Variants in CTNNA2 observed in about 807,000 individuals in gnomAD.
CTNNA2 encodes catenin alpha 2.
Under a neutral mutation model 101.0 loss-of-function variants are expected in CTNNA2, and 42 were observed. The observed-to-expected ratio is 0.42, with a 90% CI of 0.32 to 0.54. The LOEUF (loss-of-function observed/expected upper bound fraction) is 0.54, where lower values mean the gene tolerates loss of function less well. Among genes scored for constraint, CTNNA2 ranks in the 20% least tolerant of loss-of-function variants. CTNNA2 has a pLI of 0.14. For synonymous variants in CTNNA2, 450 were observed against 456.4 expected (o/e 0.99, Z 0.18); for missense variants, 871 against 1,223.1 (o/e 0.71, Z 4.29).
At chr2:80,299,192 G>A (rs1676029264) in intron 7 of CTNNA2, 2 of 152,010 alleles carry the variant, frequency 1.3e-5, no homozygotes, top group Non-Finnish European at 1.5e-5. Flanking sequence ...ATAAAAAAAA[G>A]GTGCTACACC....
At chr2:80,180,747 A>T (rs535878466) in intron 7 of CTNNA2, among the ~76,000 whole-genome samples, 2 of 151,880 alleles carry the variant, frequency 1.3e-5, no homozygotes, top group South Asian at 2.1e-4. Flanking sequence ...GTCTAAATTG[A>T]CTCGTCTATC....
intron 7 of CTNNA2, among the ~76,000 whole-genome samples, chr2:80,086,446 C>G (rs778079870): frequency 2.0e-4 from 30 of 151,858 alleles, no homozygotes; most frequent in Non-Finnish European, 4.1e-4. Context: ...TTATAAGACC[C>G]AATTAATTTG....
At chr2:80,375,786 A>G (rs2149340901) in intron 7 of CTNNA2, among the ~76,000 whole-genome samples, 1 of 151,706 alleles carries the variant, frequency 6.6e-6, no homozygotes, top group African/African-American at 2.4e-5. Context: ...GATGGTCTCG[A>G]TCTCCTGACC....
intron 7 of CTNNA2, among the ~76,000 whole-genome samples, chr2:80,221,081 C>A (rs2149054291): frequency 6.6e-6 from 1 of 152,230 alleles, no homozygotes; most frequent in East Asian, 1.9e-4. Flanking sequence ...CGGGGTTTTA[C>A]CATGTTGGCC....
intron 18 of CTNNA2, among the ~76,000 whole-genome samples, chr2:80,633,578 G>T (rs1186277448): frequency 6.6e-6 from 1 of 152,146 alleles, no homozygotes; most frequent in Non-Finnish European, 1.5e-5. Flanking sequence ...AAGACTTAGG[G>T]CAGGAAAAGC....
chr2:79,759,825 C>T (rs749782588), intron 3 of CTNNA2, among the ~76,000 whole-genome samples: 2 of 152,142 alleles, frequency 1.3e-5, no homozygotes. Flanking sequence ...TTTAATATAG[C>T]CCAAATACAG....
intron 1 of CTNNA2, among the ~76,000 whole-genome samples, chr2:79,537,701 A>C (rs1673155967): frequency 1.3e-5 from 2 of 152,156 alleles, no homozygotes; most frequent in Admixed American, 6.5e-5. Context: ...CATCAGAACC[A>C]CTTTTACCTT....
intron 7 of CTNNA2, among the ~76,000 whole-genome samples, chr2:80,344,098 C>T (rs1672500576): frequency 1.3e-5 from 2 of 152,160 alleles, no homozygotes; most frequent in South Asian, 4.1e-4. Context: ...GGAGGACTCT[C>T]AGCCCACCTC....
intron 12 of CTNNA2, among the ~76,000 whole-genome samples, chr2:80,562,617 A>C (rs1474242386): frequency 6.6e-6 from 1 of 152,180 alleles, no homozygotes; most frequent in Admixed American, 6.5e-5. Flanking sequence ...ATGTACTGGC[A>C]AAAAATATAA....
chr2:79,455,899 G>T (rs1049696732), intron 4 of CTNNA2, among the ~76,000 whole-genome samples: 1 of 151,804 alleles, frequency 6.6e-6, no homozygotes, highest in Non-Finnish European at 1.5e-5. Flanking sequence ...ATTTTTTTAG[G>T]GATAATATCC....
intron 12 of CTNNA2, among the ~76,000 whole-genome samples, chr2:80,567,761 A>G (rs1694185195): frequency 6.6e-6 from 1 of 152,120 alleles, no homozygotes; most frequent in Non-Finnish European, 1.5e-5. Context: ...GTTACAGTAG[A>G]GGCTCAGTGA....
intron 2 of CTNNA2, among the ~76,000 whole-genome samples, chr2:79,235,765 A>T (rs1256992175): frequency 6.6e-6 from 1 of 152,152 alleles, no homozygotes; most frequent in African/African-American, 2.4e-5. Context: ...TGCTGTCCGG[A>T]TGCTTCACAA....
intron 4 of CTNNA2, among the ~76,000 whole-genome samples, chr2:79,446,231 GA>G (rs144826229): frequency 7.1e-4 from 104 of 147,512 alleles, no homozygotes; most frequent in South Asian, 6.8e-3. Flanking sequence ...AATATTCTAA[GA>G]AAAAAAAAAG....
At chr2:79,901,858 C>A (rs1264283339) in intron 6 of CTNNA2, among the ~76,000 whole-genome samples, 1 of 152,142 alleles carries the variant, frequency 6.6e-6, no homozygotes, top group Non-Finnish European at 1.5e-5. Flanking sequence ...ACTTTATGCT[C>A]CAGGTCTTGT....
At chr2:79,555,280 T>C (rs974490225) in intron 1 of CTNNA2, among the ~76,000 whole-genome samples, 2 of 152,156 alleles carry the variant, frequency 1.3e-5, no homozygotes, top group African/African-American at 2.4e-5. Context: ...CACTGGAATA[T>C]AGTGTAGCTG....
intron 14 of CTNNA2, among the ~76,000 whole-genome samples, chr2:80,583,610 T>C (rs1695724321): frequency 1.3e-5 from 2 of 152,194 alleles, no homozygotes; most frequent in African/African-American, 4.8e-5. Flanking sequence ...TAGTATCCAC[T>C]GACTAGTTTT....
chr2:79,414,814 G>A (rs1055980395), intron 4 of CTNNA2, among the ~76,000 whole-genome samples: 1 of 152,024 alleles, frequency 6.6e-6, no homozygotes, highest in Non-Finnish European at 1.5e-5. Flanking sequence ...ACACAGGGGA[G>A]TGAGGCCATC....
chr2:79,334,969 G>A (rs1018054914), intron 3 of CTNNA2, among the ~76,000 whole-genome samples: 3 of 152,062 alleles, frequency 2.0e-5, no homozygotes, highest in Non-Finnish European at 4.4e-5. Context: ...TATTTTCTAT[G>A]TTCTTTAGAA....
intron 1 of CTNNA2, among the ~76,000 whole-genome samples, chr2:79,632,693 G>T (rs12104625): frequency 0.043 from 6,488 of 152,240 alleles, 374 homozygotes; most frequent in African/African-American, 0.13. Flanking sequence ...CTTTAACATT[G>T]CACTCCATTA....
Sources: allele counts gnomAD v4.1 joint callset (sites outside exome capture counted in the v4.1 genomes callset), GRCh38; gene constraint gnomAD v4.1.1; transcripts MANE v1.5; gene names NCBI Gene and HGNC (gene_info 2026-07-23, HGNC 2026-07-21).